RPTOR: variants seen among roughly 807,000 people sequenced by gnomAD.
RPTOR encodes regulatory-associated protein of mTOR.
A neutral mutation model predicts 169.9 loss-of-function variants in RPTOR; 21 were observed. The ratio of observed to expected loss-of-function variants is 0.12; its 90% CI spans 0.09 to 0.18. The LOEUF (loss-of-function observed/expected upper bound fraction) is 0.18, where lower values mean the gene tolerates loss of function less well. Ranked by LOEUF, RPTOR falls within the 10% of genes least tolerant of loss-of-function variation. The pLI is 1.00. For synonymous variants in RPTOR, 732 were observed against 753.2 expected, an observed-to-expected ratio of 0.97 and a Z score of 0.46; for missense variants, 1,133 against 1,855.9, an observed-to-expected ratio of 0.61 and a Z score of 7.16.
chr17:80,689,419 C>T (rs1199943307), intron 3 of RPTOR, among the ~76,000 whole-genome samples: 2 of 152,236 alleles, frequency 1.3e-5, no homozygotes, highest in East Asian at 3.8e-4. Flanking sequence ...ATCGCTGGAG[C>T]CCTCTGCTGA....
chr17:80,944,620 C>A (rs1166535525), intron 25 of RPTOR, among the ~76,000 whole-genome samples: 3 of 152,228 alleles, frequency 2.0e-5, no homozygotes, highest in African/African-American at 7.2e-5. Flanking sequence ...TTTTCTTCTG[C>A]TTCCTTTGTG....
At chr17:80,886,839 C>T (rs1160214837) in intron 17 of RPTOR, among the ~76,000 whole-genome samples, 2 of 152,102 alleles carry the variant, frequency 1.3e-5, no homozygotes, top group East Asian at 1.9e-4. Flanking sequence ...CTGGGCAGGG[C>T]GTGTAGAGGG....
chr17:80,943,223 T>C (rs999343), intron 25 of RPTOR, among the ~76,000 whole-genome samples: 97,462 of 152,134 alleles, frequency 0.64, 32,078 homozygotes, highest in African/African-American at 0.8. Context: ...GGTGGGCGGC[T>C]TTGGCTGTGC....
chr17:80,552,452 T>C (rs1208051093), intron 1 of RPTOR, among the ~76,000 whole-genome samples: 4 of 152,184 alleles, frequency 2.6e-5, no homozygotes, highest in Non-Finnish European at 5.9e-5. Context: ...CTGTCACTCA[T>C]AAACCCTCCT....
intron 5 of RPTOR, among the ~76,000 whole-genome samples, chr17:80,745,917 T>C (rs2066568486): frequency 6.6e-6 from 1 of 152,210 alleles, no homozygotes; most frequent in South Asian, 2.1e-4. Flanking sequence ...ATCCCAGCAC[T>C]TTGGGAGGCC....
intron 4 of RPTOR, among the ~76,000 whole-genome samples, chr17:80,717,362 A>G (rs568883661): frequency 3.3e-4 from 51 of 152,344 alleles, no homozygotes; most frequent in African/African-American, 1.2e-3. Context: ...CAAGCATCTC[A>G]GAACATAGGA....
At position 80,924,569 on chromosome 17, in the gene RPTOR, C is replaced by T. The variant is rs189343367; in HGVS notation, c.2809-801C>T. On this transcript the variant is annotated intron_variant, in intron 23 of 33. Coordinates refer to ENST00000306801, the MANE Select transcript of RPTOR (RefSeq NM_020761.3). Reference sequence around the variant, plus strand: ...TTTCCGTGTCTCGGCAGAGGAGGAGCGAGAATCACCACCGAGCCCCAAGTG... The same window carrying T: ...TTTCCGTGTCTCGGCAGAGGAGGAGTGAGAATCACCACCGAGCCCCAAGTG... Among the ~76,000 whole-genome samples the T allele has an allele frequency of 3.3e-5, 5 of 152,074 alleles. No individual in the cohort carries two copies. In the East Asian group the frequency reaches 7.8e-4, roughly 24 times the overall value.
At chr17:80,700,746 T>A (rs1274857458) in intron 3 of RPTOR, among the ~76,000 whole-genome samples, 2 of 151,224 alleles carry the variant, frequency 1.3e-5, no homozygotes, top group East Asian at 1.9e-4. Context: ...GTGGTGGTGG[T>A]GGTGGTGATG....
chr17:80,684,857 G>A (rs55886624), intron 3 of RPTOR, among the ~76,000 whole-genome samples: 26,730 of 152,122 alleles, frequency 0.18, 3,758 homozygotes, highest in African/African-American at 0.39. Context: ...CTCCATGTCA[G>A]TTTCTAGGGA....
rs939572752 is a variant in RPTOR, at chr17:80,741,444, A to G, written c.654+10738A>G. On this transcript the variant is annotated intron_variant, in intron 5 of 33. Coordinates refer to ENST00000306801, the MANE Select transcript of RPTOR (RefSeq NM_020761.3). ...GTGAAGGAAGAGTGATTCGCTCTGGATCAGATGGAGGACTTAGGCAAAAGG... is the reference window on the plus strand; with the variant it reads ...GTGAAGGAAGAGTGATTCGCTCTGGGTCAGATGGAGGACTTAGGCAAAAGG... 2.6e-5 allele frequency among the ~76,000 whole-genome samples: 4 copies of G among 152,126 alleles called. No homozygotes were observed. In the East Asian group the frequency reaches 7.7e-4, roughly 29 times the overall value.
chr17:80,665,902 T>C (rs1166495783), intron 3 of RPTOR, among the ~76,000 whole-genome samples: 1 of 152,134 alleles, frequency 6.6e-6, no homozygotes, highest in East Asian at 1.9e-4. Context: ...AAGATCTTCG[T>C]CGGAAAGATG....
chr17:80,602,742 A>G (rs1359562501), intron 1 of RPTOR: 3 of 765,056 alleles, frequency 3.9e-6, no homozygotes, highest in Non-Finnish European at 7.1e-6. Context: ...GTCAATGCAC[A>G]CATCTGGAGT....
At chr17:80,949,282 C>T (rs1487007911) in intron 27 of RPTOR, among the ~76,000 whole-genome samples, 161 bp from the exon 28 acceptor site, 2 of 152,162 alleles carry the variant, frequency 1.3e-5, no homozygotes, top group Admixed American at 1.3e-4. Context: ...AGAGTCCAGT[C>T]GGTGGGCACC....
chr17:80,820,348 C>T lies in RPTOR; in HGVS notation c.891-1853C>T, dbSNP rs908703728. On this transcript the variant is annotated intron_variant, in intron 7 of 33. Transcript: ENST00000306801. The surrounding 1 kb of genome is among the most constrained non-coding windows in gnomAD (Gnocchi z 4.1). ...TCATCTGCAGGTGTGGGACCCAAGACACAAGTGTGTTGGGGCTCCATGTCC... is the reference window on the plus strand; with the variant it reads ...TCATCTGCAGGTGTGGGACCCAAGATACAAGTGTGTTGGGGCTCCATGTCC... 6.6e-6 allele frequency among the ~76,000 whole-genome samples: 1 copy of T among 152,202 alleles called. No individual in the cohort carries two copies. Among genetic ancestry groups the T allele is most frequent in the Non-Finnish European group, 1.5e-5 (1 of 68,038 alleles).
At chr17:80,773,649 G>A (rs1341387668) in intron 6 of RPTOR, among the ~76,000 whole-genome samples, 3 of 152,138 alleles carry the variant, frequency 2.0e-5, no homozygotes, top group Non-Finnish European at 2.9e-5. Context: ...AGGCAGCCCC[G>A]CAGCCTTGTT....
rs149715899 is a variant in RPTOR, at chr17:80,673,421, G to A, written c.348+29611G>A. On this transcript the variant is annotated intron_variant, in intron 3 of 33. Coordinates refer to ENST00000306801, the MANE Select transcript of RPTOR (RefSeq NM_020761.3). The stretch of plus-strand genomic sequence containing the variant: ...AATGAGCAGGAGCACTGTTATCACT[G>A]TGGAGGTGGAGGGGGCTCCCTGGTG... Among the ~76,000 whole-genome samples, 7 of 152,346 alleles carry A rather than the reference G, an allele frequency of 4.6e-5. No individual in the cohort carries two copies. The East Asian group carries it at 1.4e-3, about 29-fold the overall frequency.
At chr17:80,692,278 C>CGTTATGTTACGTTAT (rs1555607930) in intron 3 of RPTOR, among the ~76,000 whole-genome samples, 10 of 145,484 alleles carry the variant, frequency 6.9e-5, no homozygotes, top group African/African-American at 2.6e-4. Flanking sequence ...TGTCTGGCTA[C>CGTTATGTTACGTTAT]GTTATGTTAT....
At chr17:80,950,258 C>T (rs1440344069) in intron 28 of RPTOR, among the ~76,000 whole-genome samples, 1 of 152,234 alleles carries the variant, frequency 6.6e-6, no homozygotes, top group Non-Finnish European at 1.5e-5. Context: ...ACGCGTTACC[C>T]CGCCAGCCCC....
Position 80,746,384 on chromosome 17 carries a change from G to A in RPTOR, c.655-7626G>A, listed in dbSNP as rs571098263. 2.0e-3 allele frequency among the ~76,000 whole-genome samples: 299 copies of A among 152,280 alleles called. 2 individuals carry two copies. Among genetic ancestry groups the A allele is most frequent in the Non-Finnish European group, 1.4e-3 (98 of 68,018 alleles). ...GCGGTGCTTTCTGCAGGGAGCGGAC[G>A]GCAGGCCTGGGGCGTGCTGCCCGCT... On this transcript the variant is annotated intron_variant, in intron 5 of 33. Transcript: ENST00000306801. The surrounding 1 kb of genome is among the most constrained non-coding windows in gnomAD (Gnocchi z 4.5).
Sources: gnomAD v4.1 joint callset for allele counts (sites outside exome capture counted in the v4.1 genomes callset) on GRCh38, gnomAD v4.1.1 for gene constraint, Gnocchi (gnomAD v3.1) non-coding constraint, MANE v1.5 for transcripts, NCBI Gene and HGNC (gene_info 2026-07-23, HGNC 2026-07-21) for gene names.